BRWD3: variants seen among roughly 807,000 people sequenced by gnomAD.
BRWD3 encodes bromodomain and WD repeat domain containing 3, also known as bromodomain and WD repeat-containing protein 3.
In BRWD3, 10 loss-of-function variants were observed where a neutral mutation model predicts 149.7. The ratio of observed to expected loss-of-function variants is 0.07; its 90% confidence interval spans 0.04 to 0.11. The LOEUF (loss-of-function observed/expected upper bound fraction) is 0.11. Ranked by LOEUF, BRWD3 falls within the 10% of genes least tolerant of loss-of-function variation. The probability of loss-of-function intolerance (pLI) is 1.00; values close to 1 mark genes in which losing one functional copy is unlikely to be tolerated. For synonymous variants in BRWD3, 504 were observed against 456.7 expected (o/e 1.10, Z -1.32); for missense variants, 940 against 1,373.2 (o/e 0.68, Z 4.99).
At chrX:80,745,398 T>C (rs1474738073) in intron 7 of BRWD3, among the ~76,000 whole-genome samples, 171 bp downstream of exon 7, 3 of 112,281 alleles carry the variant, frequency 2.7e-5, no homozygotes. Context: ...TTTTTGTTCA[T>C]TCGTTTACTT....
At chrX:80,771,608 T>C (rs2073944420) in intron 6 of BRWD3, among the ~76,000 whole-genome samples, 1 of 111,321 alleles carries the variant, frequency 9.0e-6, no homozygotes, top group Non-Finnish European at 1.9e-5. Flanking sequence ...AAAGCCAAAA[T>C]TGACAAATGG....
chrX:80,748,118 C>T (rs1298921467), intron 6 of BRWD3, among the ~76,000 whole-genome samples: 15 of 111,822 alleles, frequency 1.3e-4, no homozygotes, highest in African/African-American at 4.5e-4. Context: ...GCTGGTGTTA[C>T]AGGCATGAGC....
rs2147690102 is a variant in BRWD3 at position 80,689,845 on chromosome X, C to G, written c.3730G>C (p.Asp1244His). The change falls in exon 33 of 41, where the codon GAT becomes CAT. Residue 1244 changes from aspartate (D) to histidine (H), a missense_variant and splice_region_variant. Transcript: ENST00000373275. ...TCCAGTATATCAGTACAGCTCTGAT[C>G]CCTAAGAAACAAGTCATTTCAAAAG... ...VTDVLLRFIG[D>H]QSCTDILDTY... 1 of 1,188,451 alleles carries G rather than the reference C, an allele frequency of 8.4e-7. No homozygotes were observed. Among genetic ancestry groups the G allele is most frequent in the African/African-American group, 1.7e-5 (1 of 57,235 alleles).
In BRWD3 at chrX:80,675,242, T is replaced by A. The variant is rs2072353303; in HGVS notation, c.*1367A>T. 9.0e-6 allele frequency: 1 copy of A among 111,618 alleles called. No homozygotes were observed. Among genetic ancestry groups the A allele is most frequent in the Admixed American group, 9.5e-5 (1 of 10,498 alleles). The allele number at this position is 111,618 out of a possible 1,213,427, so 9.2% of individuals were successfully genotyped here. On this transcript the variant is annotated 3_prime_UTR_variant, in exon 41 of 41. Transcript: ENST00000373275. ...ATAAAATAATGATTCACAACATGAG[T>A]GTGCAGTGCAATAAGGTTCTTTCCT...
chrX:80,719,283 C>G (rs2073112499), intron 18 of BRWD3, among the ~76,000 whole-genome samples: 1 of 111,618 alleles, frequency 9.0e-6, no homozygotes, highest in Non-Finnish European at 1.9e-5. Context: ...TATTAAAATG[C>G]ATCACCTGTA....
chrX:80,711,040 G>GCC (rs1324310692), intron 20 of BRWD3, among the ~76,000 whole-genome samples: 1 of 110,770 alleles, frequency 9.0e-6, no homozygotes, highest in Non-Finnish European at 1.9e-5. Flanking sequence ...GCAAGAATTT[G>GCC]CCCATTCATA....
intron 6 of BRWD3, among the ~76,000 whole-genome samples, chrX:80,753,797 G>C (rs2073702877): frequency 9.0e-6 from 1 of 111,592 alleles, no homozygotes; most frequent in African/African-American, 3.3e-5. Flanking sequence ...CCCAATGCAT[G>C]TTCTTGTCAG....
chrX:80,798,933 C>T (rs951402793), intron 4 of BRWD3, among the ~76,000 whole-genome samples: 1 of 111,982 alleles, frequency 8.9e-6, no homozygotes, highest in Non-Finnish European at 1.9e-5. Context: ...GTGCCTTGTC[C>T]AATTGTTACA....
At chrX:80,712,823 C>T (rs1360629944) in intron 20 of BRWD3, among the ~76,000 whole-genome samples, 15 of 105,865 alleles carry the variant, frequency 1.4e-4, no homozygotes, top group African/African-American at 4.9e-4. Flanking sequence ...AGGTGAGGAG[C>T]GTCTCTGCCC....
intron 4 of BRWD3, among the ~76,000 whole-genome samples, chrX:80,795,339 T>C (rs1401599848): frequency 9.2e-6 from 1 of 109,222 alleles, no homozygotes; most frequent in African/African-American, 3.4e-5. Flanking sequence ...AGTGCTATAA[T>C]TGTGTATATA....
chrX:80,731,010 C>A (rs758576470), intron 12 of BRWD3, among the ~76,000 whole-genome samples: 29 of 111,552 alleles, frequency 2.6e-4, no homozygotes, highest in Non-Finnish European at 4.7e-4. Flanking sequence ...ATGAACATCT[C>A]TATATAATCT....
Position 80,674,838 on chromosome X carries a change from C to T in BRWD3, c.*1771G>A, listed in dbSNP as rs1433807364. On this transcript the variant is annotated 3_prime_UTR_variant, in exon 41 of 41. Coordinates refer to ENST00000373275, the MANE Select transcript of BRWD3 (RefSeq NM_153252.5). ...AGATGTTAGTCCAAGAATAACCCTA[C>T]TGCCGACCCTACCAAAAAAGCAAAG... The T allele has an allele frequency of 3.6e-5, 4 of 111,862 alleles. No individual in the cohort carries two copies. The highest frequency in any genetic ancestry group is 7.5e-5 in the Non-Finnish European group (4 of 53,057). 9.2% of individuals were successfully genotyped at this position (111,862 alleles called of 1,213,427 possible).
At chrX:80,705,949 G>A (rs4826025) in intron 22 of BRWD3, among the ~76,000 whole-genome samples, 9,387 of 111,543 alleles carry the variant, frequency 0.084, 377 homozygotes, top group South Asian at 0.19. Context: ...CAAACACTAC[G>A]CTTAGGTTAC....
chrX:80,715,756 A>G (rs2073066564), intron 20 of BRWD3, among the ~76,000 whole-genome samples: 1 of 112,150 alleles, frequency 8.9e-6, no homozygotes, highest in Non-Finnish European at 1.9e-5. Flanking sequence ...CTGTGTTCCA[A>G]TAAAGATTAA....
chrX:80,778,313 A>T (rs185991650), intron 6 of BRWD3, among the ~76,000 whole-genome samples: 19 of 112,174 alleles, frequency 1.7e-4, no homozygotes, highest in South Asian at 1.1e-3. Flanking sequence ...AAAATCCTGT[A>T]ACCAACTTCA....
chrX:80,717,644 C>T lies in BRWD3; in HGVS notation c.2160G>A (p.Met720Ile). Reference protein sequence around the residue: ...QMHNNAPRSQMATERDLMAWS... With the variant: ...QMHNNAPRSQIATERDLMAWS... The stretch of plus-strand genomic sequence containing the variant: ...ACGCCATGAGATCTCTTTCAGTGGC[C>T]ATCTGGCTCCGAGGAGCATTGTTAT... The change falls in exon 19 of 41, where the codon ATG (methionine) becomes ATA (isoleucine). Residue 720 changes from methionine to isoleucine, a missense_variant. Coordinates refer to ENST00000373275, the MANE Select transcript of BRWD3 (RefSeq NM_153252.5). 1 of 1,209,705 alleles carries T rather than the reference C, an allele frequency of 8.3e-7. No homozygotes were observed. The highest frequency in any genetic ancestry group is 1.1e-6 in the Non-Finnish European group (1 of 894,855).
chrX:80,805,562 C>T (rs2074341047), intron 4 of BRWD3, among the ~76,000 whole-genome samples: 1 of 111,360 alleles, frequency 9.0e-6, no homozygotes, highest in Non-Finnish European at 1.9e-5. Context: ...TAATACTTTG[C>T]CCTAAATTTC....
intron 6 of BRWD3, among the ~76,000 whole-genome samples, chrX:80,784,568 T>G (rs1457022683): frequency 1.8e-5 from 2 of 110,649 alleles, no homozygotes; most frequent in African/African-American, 3.3e-5. Context: ...CCCTGGTGTG[T>G]GTTGTTCCCC....
chrX:80,728,215 A>G (rs1331036934), intron 14 of BRWD3, among the ~76,000 whole-genome samples: 1 of 112,170 alleles, frequency 8.9e-6, no homozygotes, highest in East Asian at 2.8e-4. Context: ...GAAGTCAACC[A>G]GTATTATGAT....
Sources: allele counts gnomAD v4.1 joint callset (sites outside exome capture counted in the v4.1 genomes callset), GRCh38; gene constraint gnomAD v4.1.1; transcripts MANE v1.5; gene names NCBI Gene and HGNC (gene_info 2026-07-23, HGNC 2026-07-21).